GSR: variants seen among roughly 807,000 people sequenced by gnomAD.
GSR encodes glutathione reductase, mitochondrial.
In GSR, 48 loss-of-function variants were observed where a neutral mutation model predicts 56.5. That is an observed-to-expected ratio of 0.85 (90% confidence interval 0.67 to 1.08). The LOEUF (loss-of-function observed/expected upper bound fraction) is 1.08, where lower values mean the gene tolerates loss of function less well. GSR is among the 50% of genes least tolerant of loss of function. The probability of loss-of-function intolerance (pLI) is 0.00; values close to 1 mark genes in which losing one functional copy is unlikely to be tolerated. For missense variants in GSR, 694 were observed against 703.3 expected (o/e 0.99, Z 0.15); for synonymous variants, 264 against 270.8 (o/e 0.97, Z 0.25).
chr8:30,684,971 T>C, intron 9 of GSR, among the ~76,000 whole-genome samples: 1 of 139,760 alleles, frequency 7.2e-6, no homozygotes, highest in African/African-American at 2.7e-5. Context: ...ATTTATTTAT[T>C]TATTTATTTA....
At position 30,690,947 on chromosome 8, in the gene GSR, A is replaced by G. The variant is rs565269169; in HGVS notation, c.883-1628T>C. 2.5e-3 allele frequency among the ~76,000 whole-genome samples: 377 copies of G among 152,178 alleles called. 2 individuals are homozygous for G. The highest frequency in any genetic ancestry group is 8.7e-3 in the African/African-American group (362 of 41,514). On this transcript the variant is annotated intron_variant, in intron 8 of 12. Transcript: ENST00000221130. ...GCCAGGCATGGTGGCATGCACCTGT[A>G]GAAGCTAGGTGGGAGGATTGCTTGA...
At chr8:30,712,500 C>A (rs1051946609) in intron 1 of GSR, among the ~76,000 whole-genome samples, 1 of 152,030 alleles carries the variant, frequency 6.6e-6, no homozygotes, top group African/African-American at 2.4e-5. Context: ...GGGCAACAAG[C>A]GAGACCACGT....
chr8:30,706,377 C>A (rs921012057), intron 4 of GSR, among the ~76,000 whole-genome samples: 4 of 151,908 alleles, frequency 2.6e-5, no homozygotes, highest in Non-Finnish European at 4.4e-5. Context: ...GGGGCACGTG[C>A]CTGTAGTCCC....
intron 2 of GSR, among the ~76,000 whole-genome samples, chr8:30,710,714 CAAAAAAAAAAAAAAAAA>C (rs60532553): frequency 1.2e-4 from 6 of 51,038 alleles, no homozygotes; most frequent in East Asian, 1.5e-3. Flanking sequence ...GACTCTGTCT[CAAAAAAAAAAAAAAAAA>C]AAAAAAAAAA....
At chr8:30,688,074 A>C (rs1803222281) in intron 9 of GSR, among the ~76,000 whole-genome samples, 2 of 152,216 alleles carry the variant, frequency 1.3e-5, no homozygotes, top group South Asian at 4.1e-4. Context: ...AAGAATGCCA[A>C]CTGTCCACAA....
chr8:30,724,439 T>A (rs1467014079), intron 1 of GSR, among the ~76,000 whole-genome samples: 1 of 151,930 alleles, frequency 6.6e-6, no homozygotes, highest in Non-Finnish European at 1.5e-5. Flanking sequence ...AAAGAGACAC[T>A]CTGTGCTCCA....
At chr8:30,681,755 T>C (rs1250185162) in intron 11 of GSR, among the ~76,000 whole-genome samples, 175 bp downstream of exon 11, 2 of 151,896 alleles carry the variant, frequency 1.3e-5, no homozygotes, top group African/African-American at 2.4e-5. Flanking sequence ...AAAGATACTG[T>C]ACACTCAAAG....
At chr8:30,712,018 A>G in intron 2 of GSR, 44 bp downstream of exon 2, 1 of 1,059,406 alleles carries the variant, frequency 9.4e-7, no homozygotes, top group Non-Finnish European at 1.5e-6. Context: ...TGATTTACCA[A>G]ATAGAAAAAG....
chr8:30,697,622 C>T (rs1471289597), intron 6 of GSR, among the ~76,000 whole-genome samples: 2 of 151,976 alleles, frequency 1.3e-5, no homozygotes, highest in Non-Finnish European at 2.9e-5. Context: ...AGCAAAAGAC[C>T]CTATCTCAAA....
chr8:30,718,406 T>C (rs1804416876), intron 1 of GSR, among the ~76,000 whole-genome samples: 2 of 152,272 alleles, frequency 1.3e-5, no homozygotes, highest in South Asian at 4.1e-4. Context: ...ATGCTTCCAT[T>C]ATGGAGATTT....
At chr8:30,689,674 C>T (rs543320630) in intron 8 of GSR, among the ~76,000 whole-genome samples, 3 of 151,048 alleles carry the variant, frequency 2.0e-5, no homozygotes, top group South Asian at 2.1e-4. Context: ...AAGTAGGCCA[C>T]GGCAGCATCA....
intron 1 of GSR, among the ~76,000 whole-genome samples, chr8:30,715,773 T>C (rs887616788): frequency 1.3e-5 from 2 of 152,190 alleles, no homozygotes; most frequent in South Asian, 2.1e-4. Flanking sequence ...AAGGGTGTCA[T>C]AAAGCACTCA....
At chr8:30,710,741 A>G (rs1343145954) in intron 2 of GSR, among the ~76,000 whole-genome samples, 19 of 124,016 alleles carry the variant, frequency 1.5e-4, no homozygotes, top group African/African-American at 3.7e-4. Flanking sequence ...AAAAAAAAAA[A>G]AAAAGAAAAG....
chr8:30,725,197 T>C (rs898501655), intron 1 of GSR, among the ~76,000 whole-genome samples: 3 of 151,714 alleles, frequency 2.0e-5, no homozygotes, highest in Non-Finnish European at 4.4e-5. Flanking sequence ...AATCCCAGCA[T>C]TTTGGGAGGC....
chr8:30,720,588 A>G (rs889351560), intron 1 of GSR, among the ~76,000 whole-genome samples: 54 of 152,122 alleles, frequency 3.5e-4, no homozygotes, highest in Admixed American at 2.0e-4. Flanking sequence ...TCACTATTCA[A>G]TATCCATGTC....
intron 7 of GSR, among the ~76,000 whole-genome samples, chr8:30,695,014 G>C (rs988082521): frequency 2.0e-5 from 3 of 151,552 alleles, no homozygotes; most frequent in African/African-American, 7.3e-5. Context: ...AGTGAGCTAT[G>C]ATCATGCCAC....
intron 5 of GSR, among the ~76,000 whole-genome samples, chr8:30,700,721 T>C: frequency 6.9e-5 from 1 of 14,480 alleles, no homozygotes; most frequent in Non-Finnish European, 1.7e-4. Flanking sequence ...AGATTTTGTC[T>C]CCAAAAAAAA....
intron 10 of GSR, 61 bp from the exon 11 acceptor site, chr8:30,682,122 T>C: frequency 7.3e-7 from 1 of 1,366,384 alleles, no homozygotes; most frequent in Admixed American, 1.7e-5. Context: ...AGCTAAATTG[T>C]TCCACTAGCC....
chr8:30,703,488 T>C (rs1450204750), intron 4 of GSR, among the ~76,000 whole-genome samples: 1 of 152,136 alleles, frequency 6.6e-6, no homozygotes, highest in Non-Finnish European at 1.5e-5. Flanking sequence ...GGCTTACACC[T>C]GTAATCCTAG....
Sources: allele counts gnomAD v4.1 joint callset (sites outside exome capture counted in the v4.1 genomes callset), GRCh38; gene constraint gnomAD v4.1.1; transcripts MANE v1.5; gene names NCBI Gene and HGNC (gene_info 2026-07-23, HGNC 2026-07-21).